Variants in ZNF430 observed in about 807,000 individuals in gnomAD.
The protein encoded by ZNF430 is zinc finger protein 430.
In ZNF430, 35 loss-of-function variants were observed where a neutral mutation model predicts 56.7. The ratio of observed to expected loss-of-function variants is 0.62; its 90% CI spans 0.47 to 0.82. The LOEUF (loss-of-function observed/expected upper bound fraction) is 0.82. ZNF430 is among the 40% of genes least tolerant of loss of function. ZNF430 has a pLI of 0.00. For missense variants in ZNF430, 574 were observed against 661.0 expected, an observed-to-expected ratio of 0.87 and a Z score of 1.44; for synonymous variants, 212 against 224.3, an observed-to-expected ratio of 0.94 and a Z score of 0.49.
In ZNF430 at chr19:21,021,823, A is replaced by ATTTTTT. The variant is rs71174785; in HGVS notation, c.4-941_4-936dup. Reference sequence around the variant, plus strand: ...TTTCAAAACGATGCGCCTGAGTTAGATTTTTTTTTTTTTTTTTTTTTTTTT... The same window carrying ATTTTTT: ...TTTCAAAACGATGCGCCTGAGTTAGATTTTTTTTTTTTTTTTTTTTTTTTTTTTTTT... On this transcript the variant is annotated intron_variant, in intron 1 of 4. Coordinates refer to ENST00000261560, the MANE Select transcript of ZNF430 (RefSeq NM_025189.4). Among the ~76,000 whole-genome samples, 44 of 85,700 alleles carry ATTTTTT rather than the reference A, an allele frequency of 5.1e-4. 4 individuals are homozygous for ATTTTTT. Among genetic ancestry groups the ATTTTTT allele is most frequent in the African/African-American group, 2.1e-3 (40 of 18,808 alleles). 56.2% of individuals were successfully genotyped at this position (85,700 alleles called of 152,430 possible). A position where few individuals can be genotyped will look rare whatever the true frequency, so the allele number is the denominator to read the frequency against.
chr19:21,030,949 C>T (rs1400241852), intron 2 of ZNF430, among the ~76,000 whole-genome samples: 2 of 152,100 alleles, frequency 1.3e-5, no homozygotes, highest in East Asian at 1.9e-4. Context: ...ATGGCATAAT[C>T]TCGGCTCAGT....
chr19:21,057,828 A>G lies in ZNF430; in HGVS notation c.1520A>G (p.His507Arg), dbSNP rs1291902999. 1.2e-6 allele frequency: 2 copies of G among 1,613,146 alleles called. No individual in the cohort carries two copies. The highest frequency in any genetic ancestry group is 1.7e-6 in the Non-Finnish European group (2 of 1,179,126). The change falls in exon 5 of 5, where the codon CAT becomes CGT. Residue 507 changes from histidine (H) to arginine (R), a missense_variant. Physicochemically the swap from His to Arg is conservative, Grantham distance 29. Around this residue, in one of 3 missense-constraint regions of ZNF430, gnomAD observed 213 missense variants for 221.0 expected, o/e 0.96. Transcript: ENST00000261560. ...AACCTTACTAAACATAAGATAACTC[A>G]TATTGGAGATACATCTTACAAATAC... ...FSNLTKHKITHIGDTSYKYLE... is the reference protein window; with the variant it reads ...FSNLTKHKITRIGDTSYKYLE...
intron 2 of ZNF430, among the ~76,000 whole-genome samples, chr19:21,024,736 C>T (rs1039078353): frequency 2.0e-5 from 3 of 151,162 alleles, no homozygotes; most frequent in Admixed American, 1.3e-4. Context: ...GCCTAGATCG[C>T]GCCACTGCAC....
At chr19:21,044,328 T>C (rs1440212524) in intron 4 of ZNF430, among the ~76,000 whole-genome samples, 2 of 152,206 alleles carry the variant, frequency 1.3e-5, no homozygotes, top group Non-Finnish European at 2.9e-5. Flanking sequence ...TTTCTGCATC[T>C]ATTGAGATAA....
chr19:21,025,811 TCTC>T lies in ZNF430; in HGVS notation c.96+2938_96+2940del, dbSNP rs1967782504. On this transcript the variant is annotated intron_variant, in intron 2 of 4. Coordinates refer to ENST00000261560, the MANE Select transcript of ZNF430 (RefSeq NM_025189.4). Reference sequence around the variant, plus strand: ...CAATCAGTTTACTCTGCTTTCTCCATCTCCTCCTCCCATTAGTCAGCCATTGGA... The same window carrying T: ...CAATCAGTTTACTCTGCTTTCTCCATCTCCTCCCATTAGTCAGCCATTGGA... 8 of 183,122 alleles carry T rather than the reference TCTC, an allele frequency of 4.4e-5. No individual in the cohort carries two copies. The South Asian group carries it at 1.0e-3, about 24-fold the overall frequency. The allele number at this position is 183,122 out of a possible 1,614,324, so 11.3% of individuals were successfully genotyped here. A position where few individuals can be genotyped will look rare whatever the true frequency, so the allele number is the denominator to read the frequency against.
chr19:21,049,022 T>C (rs1203038491), intron 4 of ZNF430, among the ~76,000 whole-genome samples: 1 of 151,816 alleles, frequency 6.6e-6, no homozygotes. Flanking sequence ...ATGGTGAAAC[T>C]GTCTCTACTA....
At chr19:21,051,078 G>A (rs2144785763) in intron 4 of ZNF430, among the ~76,000 whole-genome samples, 1 of 152,228 alleles carries the variant, frequency 6.6e-6, no homozygotes, top group South Asian at 2.1e-4. Context: ...ACAATGTTAT[G>A]CAACATATCC....
chr19:21,024,240 C>A (rs1967750135), intron 2 of ZNF430, among the ~76,000 whole-genome samples: 1 of 152,106 alleles, frequency 6.6e-6, no homozygotes, highest in African/African-American at 2.4e-5. Context: ...AAGGTGGGGA[C>A]CCACAGGCAG....
chr19:21,040,255 T>G (rs1568588188), intron 4 of ZNF430, among the ~76,000 whole-genome samples: 3 of 152,372 alleles, frequency 2.0e-5, no homozygotes, highest in Middle Eastern at 3.4e-3. Flanking sequence ...TAAGCCTATT[T>G]GGTCTGTGGT....
intron 1 of ZNF430, 125 bp downstream of exon 1, chr19:21,020,928 C>T: frequency 1.5e-6 from 2 of 1,361,864 alleles, no homozygotes; most frequent in Non-Finnish European, 2.1e-6. Context: ...GAGTTCTTGC[C>T]CAGCTGGGCC....
chr19:21,034,889 T>C (rs1447593789), intron 4 of ZNF430: 2 of 152,236 alleles, frequency 1.3e-5, no homozygotes, highest in Non-Finnish European at 2.9e-5. Flanking sequence ...TGTGTAATAG[T>C]AGTGGTTTCT....
chr19:21,038,499 C>G (rs916658616), intron 4 of ZNF430, among the ~76,000 whole-genome samples: 1 of 152,112 alleles, frequency 6.6e-6, no homozygotes, highest in East Asian at 1.9e-4. Flanking sequence ...TCGATCTCAG[C>G]TCACTGCAAC....
intron 4 of ZNF430, among the ~76,000 whole-genome samples, chr19:21,049,207 A>G (rs955371423): frequency 1.3e-5 from 2 of 149,770 alleles, no homozygotes; most frequent in Non-Finnish European, 3.0e-5. Flanking sequence ...AGTAAAAAAG[A>G]TATATTTTAA....
At chr19:21,026,066 G>GT (rs1417121083) in intron 2 of ZNF430, 5 of 297,112 alleles carry the variant, frequency 1.7e-5, no homozygotes, top group African/African-American at 1.1e-4. Flanking sequence ...TTTTAGTAGA[G>GT]ACGGGGTTTC....
chr19:21,032,589 T>A (rs1400510516), intron 2 of ZNF430, among the ~76,000 whole-genome samples: 1 of 152,118 alleles, frequency 6.6e-6, no homozygotes, highest in Non-Finnish European at 1.5e-5. Flanking sequence ...TAGCTGGGCA[T>A]GGTGGTACAT....
intron 4 of ZNF430, among the ~76,000 whole-genome samples, chr19:21,043,020 C>T (rs1233388185): frequency 2.0e-5 from 3 of 148,440 alleles, no homozygotes; most frequent in Non-Finnish European, 4.4e-5. Flanking sequence ...TGGATATTAA[C>T]GTTTGTCAGA....
rs1968431621 is a variant in ZNF430 at position 21,059,417 on chromosome 19, C to T, written c.*1396C>T. 1 of 151,914 alleles carries T rather than the reference C, an allele frequency of 6.6e-6. No individual in the cohort carries two copies. The highest frequency in any genetic ancestry group is 2.4e-5 in the African/African-American group (1 of 41,360). The allele number at this position is 151,914 out of a possible 1,614,324, so 9.4% of individuals were successfully genotyped here. On this transcript the variant is annotated 3_prime_UTR_variant, in exon 5 of 5. Transcript: ENST00000261560. ...AATTAGCCAGCTGTGGTGGTGTATG[C>T]CTGTAATCACAGCTACTCGAGAGGC...
At chr19:21,031,689 C>T (rs1425550429) in intron 2 of ZNF430, among the ~76,000 whole-genome samples, 1 of 151,974 alleles carries the variant, frequency 6.6e-6, no homozygotes, top group African/African-American at 2.4e-5. Flanking sequence ...GCAGGTATAA[C>T]TTGTCCAGAG....
rs933436752 is a variant in ZNF430, at chr19:21,059,319, G to A, written c.*1298G>A. On this transcript the variant is annotated 3_prime_UTR_variant, in exon 5 of 5. Transcript: ENST00000261560. ...AGCACTTTGGGAGGCCGAGAAGGGT[G>A]GATCACCTGAGGTCAGGAGTTTGAG... The A allele has an allele frequency of 6.6e-6, 1 of 152,098 alleles. No individual in the cohort carries two copies. Among genetic ancestry groups the A allele is most frequent in the African/African-American group, 2.4e-5 (1 of 41,402 alleles). The allele number at this position is 152,098 out of a possible 1,614,324, so 9.4% of individuals were successfully genotyped here. A position where few individuals can be genotyped will look rare whatever the true frequency, so the allele number is the denominator to read the frequency against.
Sources: gnomAD v4.1 joint callset for allele counts (sites outside exome capture counted in the v4.1 genomes callset) on GRCh38, gnomAD v4.1.1 for gene constraint, gnomAD v4.1.1 regional missense constraint, MANE v1.5 for transcripts, NCBI Gene and HGNC (gene_info 2026-07-23, HGNC 2026-07-21) for gene names.